PLK3: variants seen among roughly 807,000 people sequenced by gnomAD.
PLK3 encodes polo like kinase 3, also known as serine/threonine-protein kinase PLK3.
A neutral mutation model predicts 71.6 loss-of-function variants in PLK3; 41 were observed. That is an observed-to-expected ratio of 0.57 (90% CI 0.45 to 0.74). PLK3 has a LOEUF of 0.74. Among genes scored for constraint, PLK3 ranks in the 30% least tolerant of loss-of-function variants. The pLI, the probability that PLK3 is intolerant of heterozygous loss-of-function variation, is 0.00. For synonymous variants in PLK3, 366 were observed against 355.4 expected (o/e 1.03, Z -0.33); for missense variants, 791 against 875.6 (o/e 0.90, Z 1.22).
At position 44,804,448 on chromosome 1, in the gene PLK3, T is replaced by C. The variant is rs1012123411; in HGVS notation, c.1452T>C (p.Arg484=). 2 of 1,614,202 alleles carry C rather than the reference T, an allele frequency of 1.2e-6. No homozygotes were observed. The highest frequency in any genetic ancestry group is 1.7e-5 in the Admixed American group (1 of 60,022). ...FGFGYQLSSR[R]VAVLFNDGTH... ...TTGGGTATCAACTGTCCAGCCGCCG[T>C]GTGGCTGTGCTCTTCAACGATGGCA... is the stretch of plus-strand genomic sequence containing the variant. Residue 484 remains arginine, a synonymous_variant, in exon 12 of 15, where the codon CGT becomes CGC. Coordinates refer to ENST00000372201, the MANE Select transcript of PLK3 (RefSeq NM_004073.4).
chr1:44,801,955 C>G, intron 5 of PLK3, 23 bp downstream of exon 5: 1 of 1,569,672 alleles, frequency 6.4e-7, no homozygotes, highest in Non-Finnish European at 8.7e-7. Context: ...GAAAGGGGCC[C>G]TGTGTGTGAT....
Position 44,805,391 on chromosome 1 carries a change from T to C in PLK3, c.1749+12T>C. 1 of 1,610,860 alleles carries C rather than the reference T, an allele frequency of 6.2e-7. No homozygotes were observed. The highest frequency in any genetic ancestry group is 8.5e-7 in the Non-Finnish European group (1 of 1,176,974). On this transcript the variant is annotated intron_variant, in intron 14 of 14. Transcript: ENST00000372201. ...ATGGCACTGTCCAGGTAAGAGCCTATCCAGGAGTTGCGGGAAGGTCTGGGA... is the reference window on the plus strand; with the variant it reads ...ATGGCACTGTCCAGGTAAGAGCCTACCCAGGAGTTGCGGGAAGGTCTGGGA...
rs1338680845 is a variant in PLK3, at chr1:44,805,899, A to G, written c.*221A>G. 18 of 1,454,800 alleles carry G rather than the reference A, an allele frequency of 1.2e-5. 1 individual carries two copies. The highest frequency in any genetic ancestry group is 3.6e-4 in the Middle Eastern group (2 of 5,486). 90.1% of individuals were successfully genotyped at this position (1,454,800 alleles called of 1,614,324 possible). ...AGCTCCCAGCTAGGGGGCGTTATTTATGGACCACTTTTATTTATTGTCAGA... is the reference window on the plus strand; with the variant it reads ...AGCTCCCAGCTAGGGGGCGTTATTTGTGGACCACTTTTATTTATTGTCAGA... On this transcript the variant is annotated 3_prime_UTR_variant, in exon 15 of 15. Transcript: ENST00000372201.
chr1:44,804,194 A>G lies in PLK3; in HGVS notation c.1290A>G (p.Val430=). The G allele has an allele frequency of 6.2e-7, 1 of 1,613,832 alleles. No homozygotes were observed. Among genetic ancestry groups the G allele is most frequent in the Admixed American group, 1.7e-5 (1 of 60,018 alleles). ...AAGAAGGTCTGACTGTGGCCACAGT[A>G]GTGGAGTCAGCCCTTTGTGCTCTGA... ...GFEEGLTVAT[V]VESALCALRN... Residue 430 remains valine (V), a synonymous_variant, in exon 11 of 15, where the codon GTA becomes GTG. Coordinates refer to ENST00000372201, the MANE Select transcript of PLK3 (RefSeq NM_004073.4).
rs1651792519 is a variant in PLK3, at chr1:44,800,554, A to G, written c.91A>G (p.Ser31Gly). The G allele has an allele frequency of 6.7e-7, 1 of 1,497,608 alleles. No individual in the cohort carries two copies. The highest frequency in any genetic ancestry group is 2.2e-5 in the Admixed American group (1 of 45,366). The allele number at this position is 1,497,608 out of a possible 1,614,324, so 92.8% of individuals were successfully genotyped here. Residue 31 changes from serine to glycine, a missense_variant, in exon 1 of 15, where the codon AGT becomes GGT. Transcript: ENST00000372201. The surrounding 1 kb of genome is among the most constrained non-coding windows in gnomAD (Gnocchi z 6.5). ...APPAGPGPPPSALRGPELEML... is the reference protein window; with the variant it reads ...APPAGPGPPPGALRGPELEML... Reference sequence around the variant, plus strand: ...CCCGGCCGGGCCCGGGCCGCCTCCGAGTGCCTTGCGCGGACCTGAGCTGGA... The same window carrying G: ...CCCGGCCGGGCCCGGGCCGCCTCCGGGTGCCTTGCGCGGACCTGAGCTGGA...
rs1369715747 is a variant in PLK3 at position 44,801,671 on chromosome 1, T to TGC, written c.488_489dup (p.Tyr164AlafsTer37). On this transcript the variant is annotated frameshift_variant, in exon 4 of 15. Transcript: ENST00000372201. LOFTEE classifies it high-confidence loss of function. ...CGGCACACCCTGTTGGAGCCAGAAG[T>TGC]GCGCTACTACCTGCGGCAGATCCTT... The TGC allele has an allele frequency of 6.2e-7, 1 of 1,613,332 alleles. No homozygotes were observed. Among genetic ancestry groups the TGC allele is most frequent in the Non-Finnish European group, 8.5e-7 (1 of 1,179,922 alleles).
intron 12 of PLK3, 45 bp from the exon 13 acceptor site, chr1:44,804,605 G>A (rs1417567725): frequency 3.7e-6 from 6 of 1,605,730 alleles, no homozygotes; most frequent in Non-Finnish European, 5.1e-6. Context: ...TCAGAGGAGG[G>A]GCATTGGTGC....
Position 44,802,970 on chromosome 1 carries a change from C to CG in PLK3, c.768dup (p.Ser257GlufsTer5). 1 of 1,614,012 alleles carries CG rather than the reference C, an allele frequency of 6.2e-7. No homozygotes were observed. The highest frequency in any genetic ancestry group is 1.1e-5 in the South Asian group (1 of 91,084). On this transcript the variant is annotated frameshift_variant, in exon 7 of 15. Coordinates refer to ENST00000372201, the MANE Select transcript of PLK3 (RefSeq NM_004073.4). LOFTEE classifies it high-confidence loss of function. ...TGCCCTATAGGTACACGCTGCTCTGCGGGAGCCCTCCCTTTGAGACGGCTG... is the reference window on the plus strand; with the variant it reads ...TGCCCTATAGGTACACGCTGCTCTGCGGGGAGCCCTCCCTTTGAGACGGCTG...
In PLK3 at chr1:44,803,842, C is replaced by A; in HGVS notation, c.1165-89C>A. 2 of 1,176,344 alleles carry A rather than the reference C, an allele frequency of 1.7e-6. No individual in the cohort carries two copies. The highest frequency in any genetic ancestry group is 1.2e-6 in the Non-Finnish European group (1 of 812,094). The allele number at this position is 1,176,344 out of a possible 1,614,324, so 72.9% of individuals were successfully genotyped here. A position where few individuals can be genotyped will look rare whatever the true frequency, so the allele number is the denominator to read the frequency against. On this transcript the variant is annotated intron_variant, in intron 9 of 14. Transcript: ENST00000372201. This position sits in a 1 kb window ranked among gnomAD's most constrained non-coding sequence, Gnocchi z 4.3. ...AGCCTGGCGGGGCTGACCTGGGGTG[C>A]CCTGGGAGCCAGGGCAGGGCCAGGC...
chr1:44,803,691 G>A lies in PLK3; in HGVS notation c.1164G>A (p.Glu388=). 1 of 1,608,958 alleles carries A rather than the reference G, an allele frequency of 6.2e-7. No individual in the cohort carries two copies. The highest frequency in any genetic ancestry group is 8.5e-7 in the Non-Finnish European group (1 of 1,176,532). ...TSVGHQDARP[E]APAASGPAPV... ...TTGGCCATCAGGATGCCAGGCCAGAGGTGAGGCGCTCAGGTGGACACTGTT... is the reference window on the plus strand; with the variant it reads ...TTGGCCATCAGGATGCCAGGCCAGAAGTGAGGCGCTCAGGTGGACACTGTT... Residue 388 remains glutamate, a splice_region_variant and synonymous_variant, in exon 9 of 15, where the codon GAG becomes GAA. Transcript: ENST00000372201. This position sits in a 1 kb window ranked among gnomAD's most constrained non-coding sequence, Gnocchi z 4.3.
intron 3 of PLK3, 23 bp from the exon 4 acceptor site, chr1:44,801,599 G>C (rs1216908870): frequency 1.2e-6 from 2 of 1,611,048 alleles, no homozygotes; most frequent in South Asian, 1.1e-5. Flanking sequence ...CTCACCAGGG[G>C]CTGAGGCAGT....
At position 44,802,981 on chromosome 1, in the gene PLK3, C is replaced by T; in HGVS notation, c.776C>T (p.Pro259Leu). The T allele has an allele frequency of 6.2e-7, 1 of 1,614,012 alleles. No individual in the cohort carries two copies. The highest frequency in any genetic ancestry group is 1.7e-5 in the Admixed American group (1 of 60,018). The change falls in exon 7 of 15, where the codon CCC becomes CTC. Residue 259 changes from proline (P) to leucine (L), a missense_variant. By Grantham distance (98) the Pro-to-Leu change is moderately conservative. Coordinates refer to ENST00000372201, the MANE Select transcript of PLK3 (RefSeq NM_004073.4). Reference sequence around the variant, plus strand: ...TACACGCTGCTCTGCGGGAGCCCTCCCTTTGAGACGGCTGACCTGAAGGAG... The same window carrying T: ...TACACGCTGCTCTGCGGGAGCCCTCTCTTTGAGACGGCTGACCTGAAGGAG... ...VMYTLLCGSP[P>L]FETADLKETY...
In PLK3 at chr1:44,800,788, G is replaced by T; in HGVS notation, c.211-52G>T. ...TGACCCCCAACGCGGGGACGCCCGC[G>T]GGCCAGACTCGGCCCCCCTGGAACA... On this transcript the variant is annotated intron_variant, in intron 1 of 14. Coordinates refer to ENST00000372201, the MANE Select transcript of PLK3 (RefSeq NM_004073.4). The surrounding 1 kb of genome is among the most constrained non-coding windows in gnomAD (Gnocchi z 6.5). 1 of 1,563,038 alleles carries T rather than the reference G, an allele frequency of 6.4e-7. No homozygotes were observed.
At position 44,803,802 on chromosome 1, in the gene PLK3, T is replaced by G. The variant is rs1021149768; in HGVS notation, c.1164+111T>G. The G allele has an allele frequency of 3.6e-6, 4 of 1,120,568 alleles. No individual in the cohort carries two copies. The highest frequency in any genetic ancestry group is 5.3e-6 in the Non-Finnish European group (4 of 756,136). The allele number at this position is 1,120,568 out of a possible 1,614,324, so 69.4% of individuals were successfully genotyped here. ...GCATCCAGCCTCGTGGTGGCCTAAT[T>G]GGCTGTGTGTCACCAGCCTGGCGGG... is the stretch of plus-strand genomic sequence containing the variant. On this transcript the variant is annotated intron_variant, in intron 9 of 14. Coordinates refer to ENST00000372201, the MANE Select transcript of PLK3 (RefSeq NM_004073.4). This position sits in a 1 kb window ranked among gnomAD's most constrained non-coding sequence, Gnocchi z 4.3.
Position 44,801,837 on chromosome 1 carries a change from C to T in PLK3, c.566-8C>T. 6.2e-7 allele frequency: 1 copy of T among 1,612,802 alleles called. No homozygotes were observed. Among genetic ancestry groups the T allele is most frequent in the Non-Finnish European group, 8.5e-7 (1 of 1,179,268 alleles). On this transcript the variant is annotated splice_polypyrimidine_tract_variant and splice_region_variant and intron_variant, in intron 4 of 14. Transcript: ENST00000372201. ...AAGAATCTGACACACCTCTCTTGCC[C>T]CATCTAGGAAATTTTTTCATCACTG...
Position 44,805,570 on chromosome 1 carries a change from T to C in PLK3, c.1833T>C (p.Ser611=). The change falls in exon 15 of 15, where the codon AGT becomes AGC. Residue 611 remains serine, a synonymous_variant. Transcript: ENST00000372201. ...LLVTFVARNR[S]ACTYLASHLR... ...TGACTTTTGTGGCCCGAAATCGTAGTGCTTGTACTTACCTCGCTTCCCACC... is the reference window on the plus strand; with the variant it reads ...TGACTTTTGTGGCCCGAAATCGTAGCGCTTGTACTTACCTCGCTTCCCACC... 1 of 1,614,188 alleles carries C rather than the reference T, an allele frequency of 6.2e-7. No homozygotes were observed. The highest frequency in any genetic ancestry group is 1.1e-5 in the South Asian group (1 of 91,084).
In PLK3 at chr1:44,804,261, T is replaced by G; in HGVS notation, c.1342+15T>G. 1 of 1,613,152 alleles carries G rather than the reference T, an allele frequency of 6.2e-7. No individual in the cohort carries two copies. The highest frequency in any genetic ancestry group is 8.5e-7 in the Non-Finnish European group (1 of 1,179,086). On this transcript the variant is annotated intron_variant, in intron 11 of 14. Transcript: ENST00000372201. ...CATGCCCCCAGGTAAGGGTGGGGTC[T>G]GGTACATGCTGCTGTGGTGGGAGTT... is the stretch of plus-strand genomic sequence containing the variant.
Position 44,804,353 on chromosome 1 carries a change from G to C in PLK3, c.1357G>C (p.Ala453Pro), listed in dbSNP as rs201492855. The C allele has an allele frequency of 8.2e-5, 133 of 1,613,964 alleles. No homozygotes were observed. Among genetic ancestry groups the C allele is most frequent in the Admixed American group, 2.2e-4 (13 of 60,008 alleles). The change falls in exon 12 of 15, where the codon GCC becomes CCC. Residue 453 changes from alanine (A) to proline (P), a missense_variant. By Grantham distance (27) the Ala-to-Pro change is conservative (BLOSUM62 -1). Transcript: ENST00000372201. ...AFMPPAEQNP[A>P]PLAQPEPLVW... ...TCCCATGACAGCGGAACAGAACCCG[G>C]CCCCCCTGGCCCAGCCAGAGCCTCT...
rs780567518 is a variant in PLK3, at chr1:44,803,727, A to C, written c.1164+36A>C. 1 of 1,487,786 alleles carries C rather than the reference A, an allele frequency of 6.7e-7. No individual in the cohort carries two copies. Among genetic ancestry groups the C allele is most frequent in the Non-Finnish European group, 9.3e-7 (1 of 1,073,186 alleles). The allele number at this position is 1,487,786 out of a possible 1,614,324, so 92.2% of individuals were successfully genotyped here. ...CAGGTGGACACTGTTCCCCTGACTC[A>C]CCCCCACCCTAGCAGCTGAGGGAAG... On this transcript the variant is annotated intron_variant, in intron 9 of 14. Coordinates refer to ENST00000372201, the MANE Select transcript of PLK3 (RefSeq NM_004073.4). The surrounding 1 kb of genome is among the most constrained non-coding windows in gnomAD (Gnocchi z 4.3).
Sources: gnomAD v4.1 joint callset for allele counts on GRCh38, gnomAD v4.1.1 for gene constraint, Gnocchi (gnomAD v3.1) non-coding constraint, MANE v1.5 for transcripts, NCBI Gene and HGNC (gene_info 2026-07-23, HGNC 2026-07-21) for gene names.